APP: variants seen among roughly 807,000 people sequenced by gnomAD.
The protein encoded by APP is amyloid beta precursor protein.
Under a neutral mutation model 101.4 loss-of-function variants are expected in APP, and 31 were observed. The observed-to-expected ratio is 0.31, with a 90% CI of 0.23 to 0.41. The LOEUF (loss-of-function observed/expected upper bound fraction) is 0.41, where lower values mean the gene tolerates loss of function less well. Ranked by LOEUF, APP falls within the 10% of genes least tolerant of loss-of-function variation. The pLI is 1.00. For synonymous variants in APP, 366 were observed against 364.4 expected, an observed-to-expected ratio of 1.00 and a Z score of -0.05; for missense variants, 839 against 1,003.7, an observed-to-expected ratio of 0.84 and a Z score of 2.22.
At chr21:26,086,418 A>G (rs2146098540) in intron 3 of APP, among the ~76,000 whole-genome samples, 1 of 152,316 alleles carries the variant, frequency 6.6e-6, no homozygotes, top group East Asian at 1.9e-4. Flanking sequence ...AAAATAATCC[A>G]GTGCCACACT....
chr21:26,068,008 T>C (rs1182465286), intron 3 of APP: 2 of 152,094 alleles, frequency 1.3e-5, no homozygotes, highest in East Asian at 3.9e-4. Flanking sequence ...AACCACATAA[T>C]TGCCGACAAA....
At chr21:25,889,840 C>T (rs2037571497) in intron 17 of APP, among the ~76,000 whole-genome samples, 2 of 151,740 alleles carry the variant, frequency 1.3e-5, no homozygotes, top group Non-Finnish European at 2.9e-5. Flanking sequence ...GAGCAAGACT[C>T]CATCTCAAAA....
At chr21:25,973,240 A>T (rs2146564076) in intron 11 of APP, among the ~76,000 whole-genome samples, 1 of 152,346 alleles carries the variant, frequency 6.6e-6, no homozygotes, top group East Asian at 1.9e-4. Context: ...TGACAGATTC[A>T]GTGACAACCA....
chr21:25,987,832 A>G (rs1484567323), intron 8 of APP, among the ~76,000 whole-genome samples: 1 of 152,162 alleles, frequency 6.6e-6, no homozygotes, highest in East Asian at 1.9e-4. Context: ...AGCCCTTATT[A>G]TATGTGAGGC....
At chr21:25,945,473 A>T (rs901165427) in intron 13 of APP, 2 of 145,956 alleles carry the variant, frequency 1.4e-5, no homozygotes, top group African/African-American at 5.1e-5. Context: ...GAGACTCCGG[A>T]TACTCAAAGT....
chr21:26,021,832 T>C lies in APP; in HGVS notation c.865+8A>G, dbSNP rs2044352238. On this transcript the variant is annotated splice_region_variant and intron_variant, in intron 6 of 17. Transcript: ENST00000346798. ...GGGTGGGGGGAATCCAAGCAAATGG[T>C]GGATTACCTCGAACCACCTCTTCCA... 1 of 1,612,694 alleles carries C rather than the reference T, an allele frequency of 6.2e-7. No homozygotes were observed. Among genetic ancestry groups the C allele is most frequent in the Non-Finnish European group, 8.5e-7 (1 of 1,179,882 alleles).
intron 5 of APP, among the ~76,000 whole-genome samples, chr21:26,024,033 A>G (rs954798049): frequency 1.3e-5 from 2 of 152,234 alleles, no homozygotes; most frequent in African/African-American, 4.8e-5. Context: ...AACAAAATTA[A>G]AAAGGCCTAT....
rs147585502 is a variant in APP at position 26,155,531 on chromosome 21, C to T, written c.57+15033G>A. The stretch of plus-strand genomic sequence containing the variant: ...TAAAGTCAGTCCTGGGCATGCATGA[C>T]GCCCAGAGGAATTCACAGATAAAAT... On this transcript the variant is annotated intron_variant, in intron 1 of 17. Coordinates refer to ENST00000346798, the MANE Select transcript of APP (RefSeq NM_000484.4). Among the ~76,000 whole-genome samples the T allele has an allele frequency of 5.5e-4, 83 of 152,130 alleles. 1 individual carries two copies. The highest frequency in any genetic ancestry group is 1.5e-4 in the Non-Finnish European group (10 of 68,010).
At chr21:25,887,056 T>TG (rs2146214792) in intron 17 of APP, among the ~76,000 whole-genome samples, 1 of 152,248 alleles carries the variant, frequency 6.6e-6, no homozygotes, top group South Asian at 2.1e-4. Flanking sequence ...AGACTTCTGG[T>TG]GTTCAAGTGA....
intron 13 of APP, among the ~76,000 whole-genome samples, chr21:25,928,288 G>C (rs1044525895): frequency 2.0e-4 from 31 of 152,210 alleles, no homozygotes; most frequent in African/African-American, 7.5e-4. Flanking sequence ...CTTGCAGCGA[G>C]CCAAGATTGT....
chr21:26,053,610 G>C (rs1388678538), intron 3 of APP: 1 of 348,426 alleles, frequency 2.9e-6, no homozygotes, highest in African/African-American at 2.1e-5. Context: ...TGAATTTCTT[G>C]CTTCAAAATT....
chr21:26,038,054 T>C (rs2045200395), intron 5 of APP, among the ~76,000 whole-genome samples: 1 of 152,202 alleles, frequency 6.6e-6, no homozygotes, highest in African/African-American at 2.4e-5. Context: ...AATACCTATT[T>C]AAATTTCTAT....
At chr21:26,080,540 G>A (rs939974741) in intron 3 of APP, among the ~76,000 whole-genome samples, 19 of 151,872 alleles carry the variant, frequency 1.3e-4, no homozygotes, top group South Asian at 4.2e-4. Flanking sequence ...AGGCTGAGGC[G>A]GGTGGATCAC....
intron 6 of APP, among the ~76,000 whole-genome samples, chr21:26,005,821 G>A (rs1249288064): frequency 6.6e-6 from 1 of 152,072 alleles, no homozygotes; most frequent in African/African-American, 2.4e-5. Flanking sequence ...TCACTCAGTG[G>A]AAATTTATAA....
chr21:26,073,451 T>G (rs2061444853), intron 3 of APP, among the ~76,000 whole-genome samples: 1 of 151,614 alleles, frequency 6.6e-6, no homozygotes, highest in Non-Finnish European at 1.5e-5. Context: ...AAGAGCTCAT[T>G]CCCTGGAGCT....
intron 8 of APP, among the ~76,000 whole-genome samples, chr21:25,988,934 C>T (rs1423050935): frequency 6.6e-6 from 1 of 152,116 alleles, no homozygotes; most frequent in Non-Finnish European, 1.5e-5. Context: ...TACACGCATG[C>T]TTGTCACAAT....
chr21:25,917,597 G>A (rs1383370306), intron 13 of APP, among the ~76,000 whole-genome samples: 1 of 152,092 alleles, frequency 6.6e-6, no homozygotes, highest in East Asian at 1.9e-4. Context: ...AAATTTATGG[G>A]CATTAAATCA....
At chr21:25,890,623 C>G (rs2037628239) in intron 17 of APP, among the ~76,000 whole-genome samples, 1 of 149,780 alleles carries the variant, frequency 6.7e-6, no homozygotes, top group Non-Finnish European at 1.5e-5. Flanking sequence ...CCCATAGTCC[C>G]AGCTACTCAG....
intron 1 of APP, chr21:26,140,221 A>G (rs1569023966): frequency 6.5e-7 from 1 of 1,536,150 alleles, no homozygotes; most frequent in South Asian, 1.2e-5. Context: ...GCTGGCTCCA[A>G]TCATTGTCAA....
Sources: allele counts gnomAD v4.1 joint callset (sites outside exome capture counted in the v4.1 genomes callset), GRCh38; gene constraint gnomAD v4.1.1; transcripts MANE v1.5; gene names NCBI Gene and HGNC (gene_info 2026-07-23, HGNC 2026-07-21).